The following CSMD3 variants were observed in gnomAD, a reference collection of about 807,000 sequenced individuals.
CSMD3 encodes the protein CUB and sushi domain-containing protein 3.
CSMD3 carries 177 observed loss-of-function variants against 435.2 expected under a neutral mutation model. The observed-to-expected ratio is 0.41, with a 90% CI of 0.36 to 0.46. The LOEUF (loss-of-function observed/expected upper bound fraction) is 0.46, where lower values mean the gene tolerates loss of function less well. Ranked by LOEUF, CSMD3 falls within the 20% of genes least tolerant of loss-of-function variation. CSMD3 has a pLI of 0.34. For missense variants in CSMD3, 4,265 were observed against 4,504.6 expected, an observed-to-expected ratio of 0.95 and a Z score of 1.52; for synonymous variants, 1,656 against 1,520.5, an observed-to-expected ratio of 1.09 and a Z score of -2.07.
chr8:112,550,614 T>C, intron 27 of CSMD3, 57 bp downstream of exon 27: 1 of 907,548 alleles, frequency 1.1e-6, no homozygotes, highest in Non-Finnish European at 1.8e-6. Flanking sequence ...AAAGTTAACA[T>C]GACTATTTAC....
At chr8:112,903,136 G>A (rs2082152191) in intron 10 of CSMD3, among the ~76,000 whole-genome samples, 1 of 140,186 alleles carries the variant, frequency 7.1e-6, no homozygotes, top group African/African-American at 2.7e-5. Context: ...TACAACATCT[G>A]GGTGGCAGTC....
intron 6 of CSMD3, among the ~76,000 whole-genome samples, chr8:112,989,010 T>C (rs1210124244): frequency 6.6e-6 from 1 of 152,082 alleles, no homozygotes; most frequent in Non-Finnish European, 1.5e-5. Flanking sequence ...AGGTCATTTA[T>C]TCATTCTTCC....
intron 32 of CSMD3, 120 bp downstream of exon 32, chr8:112,472,471 T>C (rs1026141777): frequency 1.8e-5 from 13 of 721,768 alleles, no homozygotes; most frequent in African/African-American, 1.6e-4. Flanking sequence ...CTAAAAAGAA[T>C]TGCATAGTAA....
chr8:112,377,695 T>C (rs1270597017), intron 38 of CSMD3, among the ~76,000 whole-genome samples: 1 of 152,062 alleles, frequency 6.6e-6, no homozygotes, highest in Admixed American at 6.6e-5. Context: ...GCCAAATGTA[T>C]AGAAATCAAT....
At chr8:112,761,622 A>G (rs1437828210) in intron 13 of CSMD3, among the ~76,000 whole-genome samples, 3 of 152,110 alleles carry the variant, frequency 2.0e-5, no homozygotes, top group African/African-American at 7.2e-5. Context: ...CATATTTACA[A>G]AAAGTTTTTT....
At chr8:112,510,204 C>T (rs549987094) in intron 28 of CSMD3, among the ~76,000 whole-genome samples, 6 of 152,210 alleles carry the variant, frequency 3.9e-5, no homozygotes, top group East Asian at 1.9e-4. Flanking sequence ...ATAATTGAAA[C>T]GATTATTCCC....
chr8:113,345,606 T>C (rs1389281389), intron 1 of CSMD3, among the ~76,000 whole-genome samples: 1 of 152,146 alleles, frequency 6.6e-6, no homozygotes, highest in Admixed American at 6.6e-5. Context: ...TTTGGATTAC[T>C]CAAGGTAAAT....
intron 5 of CSMD3, among the ~76,000 whole-genome samples, chr8:113,027,948 T>A (rs1444657165): frequency 6.6e-6 from 1 of 152,148 alleles, no homozygotes; most frequent in Non-Finnish European, 1.5e-5. Context: ...TTAATCAAGA[T>A]TAAATGCACA....
At chr8:112,356,914 T>C (rs544624289) in intron 38 of CSMD3, among the ~76,000 whole-genome samples, 184 of 152,254 alleles carry the variant, frequency 1.2e-3, no homozygotes, top group African/African-American at 4.2e-3. Context: ...GTCTCAGGTA[T>C]GTCTTTATCA....
chr8:113,323,676 A>G (rs771092661), intron 1 of CSMD3, among the ~76,000 whole-genome samples: 2 of 152,322 alleles, frequency 1.3e-5, no homozygotes, highest in South Asian at 4.1e-4. Flanking sequence ...CATAAATTTT[A>G]TTCACATGTT....
chr8:112,515,529 G>A (rs1380003379), intron 28 of CSMD3, among the ~76,000 whole-genome samples: 1 of 152,028 alleles, frequency 6.6e-6, no homozygotes, highest in Non-Finnish European at 1.5e-5. Context: ...GATCGTATGA[G>A]TGCACTTACA....
chr8:112,401,468 T>C (rs1371653366), intron 35 of CSMD3, among the ~76,000 whole-genome samples: 2 of 152,152 alleles, frequency 1.3e-5, no homozygotes. Context: ...TAATGTGATG[T>C]TTAAATTTTT....
chr8:112,506,458 T>G (rs574196024), intron 29 of CSMD3, among the ~76,000 whole-genome samples: 1 of 152,228 alleles, frequency 6.6e-6, no homozygotes, highest in South Asian at 2.1e-4. Flanking sequence ...CTGGGTTTTG[T>G]GATGCCAGCT....
At chr8:112,609,201 CA>C (rs71566035) in intron 22 of CSMD3, among the ~76,000 whole-genome samples, 78 of 43,064 alleles carry the variant, frequency 1.8e-3, no homozygotes, top group African/African-American at 4.6e-3. Flanking sequence ...GATACTGCCT[CA>C]AAAAAAAAAA....
intron 3 of CSMD3, among the ~76,000 whole-genome samples, chr8:113,266,979 T>C (rs2093476927): frequency 6.6e-6 from 1 of 151,374 alleles, no homozygotes; most frequent in African/African-American, 2.4e-5. Flanking sequence ...ACATACAAAC[T>C]GCTAACAGGT....
intron 10 of CSMD3, among the ~76,000 whole-genome samples, chr8:112,916,533 A>T (rs931886780): frequency 6.6e-6 from 1 of 151,872 alleles, no homozygotes; most frequent in Non-Finnish European, 1.5e-5. Flanking sequence ...TATCTCCTTC[A>T]CCATATGTCA....
intron 56 of CSMD3, 69 bp downstream of exon 56, chr8:112,291,441 T>C: frequency 9.6e-7 from 1 of 1,042,746 alleles, no homozygotes. Flanking sequence ...GGTCATTTTA[T>C]AAAGATGATA....
At chr8:112,881,853 T>C (rs2081457112) in intron 10 of CSMD3, among the ~76,000 whole-genome samples, 1 of 151,964 alleles carries the variant, frequency 6.6e-6, no homozygotes. Flanking sequence ...AATCCTAGGA[T>C]ATGAGAAACA....
At chr8:112,235,371 A>C (rs1813470038) in intron 67 of CSMD3, among the ~76,000 whole-genome samples, 1 of 152,092 alleles carries the variant, frequency 6.6e-6, no homozygotes, top group Admixed American at 6.6e-5. Context: ...GTGACAGAGC[A>C]AGACTCTGCC....
Sources: allele counts gnomAD v4.1 joint callset (sites outside exome capture counted in the v4.1 genomes callset), GRCh38; gene constraint gnomAD v4.1.1; transcripts MANE v1.5; gene names NCBI Gene and HGNC (gene_info 2026-07-23, HGNC 2026-07-21).